SYT1: variants seen among roughly 807,000 people sequenced by gnomAD.
The protein encoded by SYT1 is synaptotagmin 1.
SYT1 carries 8 observed loss-of-function variants against 44.8 expected under a neutral mutation model. That is an observed-to-expected ratio of 0.18 (90% CI 0.10 to 0.32). The LOEUF is 0.32. Ranked by LOEUF, SYT1 falls within the 10% of genes least tolerant of loss-of-function variation. The pLI, the probability that SYT1 is intolerant of heterozygous loss-of-function variation, is 1.00. For synonymous variants in SYT1, 154 were observed against 188.8 expected, an observed-to-expected ratio of 0.82 and a Z score of 1.51; for missense variants, 286 against 509.3, an observed-to-expected ratio of 0.56 and a Z score of 4.22.
At chr12:78,875,809 G>A (rs1240006936) in intron 1 of SYT1, among the ~76,000 whole-genome samples, 1 of 151,608 alleles carries the variant, frequency 6.6e-6, no homozygotes, top group Non-Finnish European at 1.5e-5. Flanking sequence ...TGTATTCTCA[G>A]ATGTCTTGTA....
chr12:79,219,688 G>A (rs1261082351), intron 4 of SYT1, among the ~76,000 whole-genome samples: 3 of 151,916 alleles, frequency 2.0e-5, no homozygotes, highest in African/African-American at 7.2e-5. Context: ...TTCTCTTTCT[G>A]TTTCATCGTC....
At chr12:79,335,633 A>G (rs1402962788) in intron 8 of SYT1, among the ~76,000 whole-genome samples, 4 of 152,128 alleles carry the variant, frequency 2.6e-5, no homozygotes, top group African/African-American at 9.7e-5. Context: ...TCAATCAACA[A>G]TAGTTTACCA....
At chr12:79,205,359 A>T (rs910138629) in intron 3 of SYT1, among the ~76,000 whole-genome samples, 3 of 152,206 alleles carry the variant, frequency 2.0e-5, no homozygotes, top group African/African-American at 7.2e-5. Flanking sequence ...TGAACCTGCC[A>T]TTCCTACTAA....
At chr12:79,274,566 C>T (rs147119625) in intron 4 of SYT1, among the ~76,000 whole-genome samples, 7 of 152,320 alleles carry the variant, frequency 4.6e-5, no homozygotes, top group African/African-American at 1.4e-4. Flanking sequence ...GCAGCCGCAG[C>T]GCAAACTTGG....
At chr12:79,378,587 A>C (rs2136066621) in intron 9 of SYT1, among the ~76,000 whole-genome samples, 1 of 152,338 alleles carries the variant, frequency 6.6e-6, no homozygotes, top group Middle Eastern at 3.4e-3. Context: ...GGATTTTCAA[A>C]CTATTCTGAT....
intron 1 of SYT1, among the ~76,000 whole-genome samples, chr12:78,917,233 G>C (rs1302592413): frequency 6.6e-6 from 1 of 152,052 alleles, no homozygotes; most frequent in Non-Finnish European, 1.5e-5. Flanking sequence ...AGCCTTTCAA[G>C]AATTTGAAGA....
intron 1 of SYT1, among the ~76,000 whole-genome samples, chr12:78,901,311 AATG>A (rs1479928128): frequency 6.6e-6 from 1 of 152,118 alleles, no homozygotes; most frequent in Non-Finnish European, 1.5e-5. Context: ...TTCTTCCATG[AATG>A]ATGAAGATTA....
chr12:79,285,807 G>T lies in SYT1; in HGVS notation c.187G>T (p.Ala63Ser), dbSNP rs754167995. 5 of 1,608,352 alleles carry T rather than the reference G, an allele frequency of 3.1e-6. No homozygotes were observed. The highest frequency in any genetic ancestry group is 1.1e-5 in the South Asian group (1 of 89,286). ...TTCAGTGCCACCGTGGGCCTTAATT[G>T]CAATAGCCATAGTCGCAGTCCTTTT... ...KIPLPPWALI[A>S]IAIVAVLLVL... Residue 63 changes from alanine (A) to serine (S), a missense_variant, in exon 5 of 11, where the codon GCA becomes TCA. Physicochemically the swap from Ala to Ser is moderately conservative, Grantham distance 99. Coordinates refer to ENST00000261205, the MANE Select transcript of SYT1 (RefSeq NM_005639.3).
intron 4 of SYT1, among the ~76,000 whole-genome samples, chr12:79,219,283 T>A (rs897370822): frequency 6.6e-6 from 1 of 152,122 alleles, no homozygotes; most frequent in African/African-American, 2.4e-5. Context: ...TTGCAAATAT[T>A]TTCTCCCCTT....
chr12:79,064,343 T>C (rs1365353364), intron 3 of SYT1, among the ~76,000 whole-genome samples: 1 of 152,200 alleles, frequency 6.6e-6, no homozygotes, highest in East Asian at 1.9e-4. Flanking sequence ...TTTCACATAA[T>C]ATCTATTGTT....
intron 2 of SYT1, among the ~76,000 whole-genome samples, 196 bp from the exon 3 acceptor site, chr12:79,047,101 T>A (rs543421269): frequency 6.6e-6 from 1 of 151,896 alleles, no homozygotes; most frequent in South Asian, 2.1e-4. Context: ...AATCTCTAGC[T>A]CATCAAACAA....
At chr12:79,324,878 T>C (rs1881539767) in intron 8 of SYT1, among the ~76,000 whole-genome samples, 1 of 152,218 alleles carries the variant, frequency 6.6e-6, no homozygotes, top group South Asian at 2.1e-4. Context: ...GAAAATATCT[T>C]ATTAAAAGGT....
intron 9 of SYT1, among the ~76,000 whole-genome samples, chr12:79,401,906 C>T (rs528315975): frequency 2.0e-5 from 3 of 152,144 alleles, no homozygotes; most frequent in African/African-American, 4.8e-5. Context: ...TGGGCTCAAG[C>T]GATCCTCCCA....
chr12:78,979,364 T>C (rs1365750484), intron 2 of SYT1, among the ~76,000 whole-genome samples: 4 of 152,132 alleles, frequency 2.6e-5, no homozygotes, highest in African/African-American at 9.6e-5. Flanking sequence ...TCTCAAAATG[T>C]GGTCTAAAGC....
At chr12:79,071,574 A>T (rs2137901762) in intron 3 of SYT1, among the ~76,000 whole-genome samples, 1 of 152,312 alleles carries the variant, frequency 6.6e-6, no homozygotes. Context: ...AAAGAAATTT[A>T]TTCTCTCACA....
At chr12:79,027,120 C>T (rs993207526) in intron 2 of SYT1, among the ~76,000 whole-genome samples, 1 of 151,556 alleles carries the variant, frequency 6.6e-6, no homozygotes, top group Non-Finnish European at 1.5e-5. Flanking sequence ...CTATCTGCTG[C>T]CTCAGGCCAC....
At chr12:79,403,485 G>A (rs1193180191) in intron 9 of SYT1, among the ~76,000 whole-genome samples, 1 of 152,092 alleles carries the variant, frequency 6.6e-6, no homozygotes, top group Non-Finnish European at 1.5e-5. Flanking sequence ...ATTGGATAAA[G>A]CCCACCTAGT....
intron 1 of SYT1, among the ~76,000 whole-genome samples, chr12:78,963,215 C>A (rs1385345877): frequency 6.6e-6 from 1 of 151,862 alleles, no homozygotes; most frequent in Non-Finnish European, 1.5e-5. Flanking sequence ...TATCTGTATT[C>A]TTAAAATATG....
intron 1 of SYT1, among the ~76,000 whole-genome samples, chr12:78,930,063 A>C (rs1369797332): frequency 6.6e-6 from 1 of 152,192 alleles, no homozygotes; most frequent in Non-Finnish European, 1.5e-5. Context: ...ATAAAATTTC[A>C]GTTAAACTGG....
Sources: allele counts gnomAD v4.1 joint callset (sites outside exome capture counted in the v4.1 genomes callset), GRCh38; gene constraint gnomAD v4.1.1; transcripts MANE v1.5; gene names NCBI Gene and HGNC (gene_info 2026-07-23, HGNC 2026-07-21).